Variants in SHISA9 observed in about 807,000 individuals in gnomAD.
SHISA9 encodes shisa family member 9.
Under a neutral mutation model 38.0 loss-of-function variants are expected in SHISA9, and 13 were observed. The observed-to-expected ratio is 0.34, with a 90% confidence interval of 0.22 to 0.54. The LOEUF is 0.54. SHISA9 is among the 20% of genes least tolerant of loss of function. The pLI is 0.91. For synonymous variants in SHISA9, 275 were observed against 242.0 expected, an observed-to-expected ratio of 1.14 and a Z score of -1.27; for missense variants, 538 against 575.8, an observed-to-expected ratio of 0.93 and a Z score of 0.67.
intron 2 of SHISA9, among the ~76,000 whole-genome samples, chr16:13,151,451 C>G (rs1417546243): frequency 6.6e-6 from 1 of 152,114 alleles, no homozygotes; most frequent in Non-Finnish European, 1.5e-5. Context: ...TGTGGCTGAA[C>G]AACAACCAGC....
chr16:12,981,366 G>T (rs2072237768), intron 2 of SHISA9, among the ~76,000 whole-genome samples: 1 of 152,238 alleles, frequency 6.6e-6, no homozygotes, highest in Non-Finnish European at 1.5e-5. Flanking sequence ...CAGGGCAATG[G>T]CAGGGGAGCA....
intron 2 of SHISA9, among the ~76,000 whole-genome samples, chr16:12,919,914 T>C (rs1036519935): frequency 6.6e-6 from 1 of 152,220 alleles, no homozygotes; most frequent in African/African-American, 2.4e-5. Context: ...TCAGCTTCTG[T>C]ATAATTATCG....
the SHISA9 span, among the ~76,000 whole-genome samples, chr16:13,452,582 A>C: frequency 6.6e-6 from 1 of 152,198 alleles, no homozygotes; most frequent in Non-Finnish European, 1.5e-5. Flanking sequence ...GATGGGTGTT[A>C]GTCTCTGCAT....
chr16:13,036,986 C>G (rs1345669975), intron 2 of SHISA9, among the ~76,000 whole-genome samples: 1 of 151,744 alleles, frequency 6.6e-6, no homozygotes, highest in Non-Finnish European at 1.5e-5. Context: ...TATTATTATC[C>G]TTACTTTGCA....
chr16:13,050,409 G>A (rs1270162959), intron 2 of SHISA9, among the ~76,000 whole-genome samples: 2 of 152,242 alleles, frequency 1.3e-5, no homozygotes, highest in East Asian at 3.9e-4. Context: ...TTGGCTCACT[G>A]CAACCTCTAC....
Position 13,133,419 on chromosome 16 carries a change from G to T in SHISA9, c.692-69975G>T, listed in dbSNP as rs2050322138. Among the ~76,000 whole-genome samples the T allele has an allele frequency of 3.3e-5, 5 of 152,146 alleles. No homozygotes were observed. In the South Asian group the frequency reaches 1.0e-3, roughly 32 times the overall value. The stretch of plus-strand genomic sequence containing the variant: ...GTAAGTAGTGGGCTGTTTAAACTTG[G>T]CTCATTGCCCAGTGGTGTCTTTATC... On this transcript the variant is annotated intron_variant, in intron 2 of 4. Coordinates refer to ENST00000558583, the MANE Select transcript of SHISA9 (RefSeq NM_001145204.3).
At chr16:13,180,605 G>A (rs1446585234) in intron 2 of SHISA9, among the ~76,000 whole-genome samples, 2 of 152,148 alleles carry the variant, frequency 1.3e-5, no homozygotes, top group Non-Finnish European at 2.9e-5. Flanking sequence ...GGCTGAGGTG[G>A]GAGGATTGCT....
the SHISA9 span, among the ~76,000 whole-genome samples, chr16:13,399,640 G>T: frequency 0.024 from 3,683 of 152,214 alleles, 163 homozygotes; most frequent in African/African-American, 0.084. Flanking sequence ...CATTTCATTG[G>T]GCACAGGAAG....
At chr16:13,435,083 A>G in the SHISA9 span, among the ~76,000 whole-genome samples, 3 of 152,194 alleles carry the variant, frequency 2.0e-5, no homozygotes, top group African/African-American at 4.8e-5. Context: ...TTTCCTCTCT[A>G]TTTACTGAAT....
the SHISA9 span, among the ~76,000 whole-genome samples, chr16:13,557,403 C>T: frequency 4.6e-5 from 7 of 152,286 alleles, no homozygotes; most frequent in African/African-American, 7.2e-5. Flanking sequence ...GTCCCTTTAA[C>T]GCCACTAAGG....
At chr16:13,104,863 T>A (rs147838557) in intron 2 of SHISA9, among the ~76,000 whole-genome samples, 2,247 of 152,280 alleles carry the variant, frequency 0.015, 46 homozygotes, top group African/African-American at 0.05. Flanking sequence ...TCAATAAAAC[T>A]TTTTATTTTT....
the SHISA9 span, among the ~76,000 whole-genome samples, chr16:13,554,443 T>C: frequency 0.68 from 101,458 of 150,148 alleles, 34,743 homozygotes; most frequent in East Asian, 0.87. Flanking sequence ...AAAAAAATCA[T>C]GGTAAAATCT....
the SHISA9 span, among the ~76,000 whole-genome samples, chr16:13,416,812 G>T: frequency 8.4e-6 from 1 of 119,398 alleles, no homozygotes; most frequent in East Asian, 2.2e-4. Context: ...AAGGAAGGAA[G>T]GGAAGGAATG....
At chr16:13,133,685 G>A (rs533864259) in intron 2 of SHISA9, among the ~76,000 whole-genome samples, 17 of 152,314 alleles carry the variant, frequency 1.1e-4, no homozygotes, top group African/African-American at 3.6e-4. Context: ...GGGAAGCAAC[G>A]TGTCAAACCA....
At chr16:13,499,859 C>T in the SHISA9 span, among the ~76,000 whole-genome samples, 1 of 152,102 alleles carries the variant, frequency 6.6e-6, no homozygotes, top group Non-Finnish European at 1.5e-5. Context: ...TGCATCTATC[C>T]GTCTACTTAC....
chr16:12,950,257 A>G (rs1016065383), intron 2 of SHISA9, among the ~76,000 whole-genome samples: 4 of 152,110 alleles, frequency 2.6e-5, no homozygotes, highest in African/African-American at 7.2e-5. Context: ...CATTTTCTCT[A>G]TCCATTCTTT....
intron 3 of SHISA9, among the ~76,000 whole-genome samples, chr16:13,211,459 A>C (rs928943639): frequency 1.3e-5 from 2 of 152,240 alleles, no homozygotes; most frequent in Non-Finnish European, 2.9e-5. Flanking sequence ...GTTTAAAAAA[A>C]AAGCATACAC....
chr16:12,959,252 A>G (rs1420237327), intron 2 of SHISA9, among the ~76,000 whole-genome samples: 1 of 152,240 alleles, frequency 6.6e-6, no homozygotes, highest in Admixed American at 6.5e-5. Context: ...ATGGAATGCA[A>G]GACTAGAGGC....
At position 13,212,161 on chromosome 16, in the gene SHISA9, G is replaced by A. The variant is rs190676048; in HGVS notation, c.848-1092G>A. ...ATTCAGATGACAGACTGTTCCCTGCGCCTTCACTCAGCCTGATATATCTCT... is the reference window on the plus strand; with the variant it reads ...ATTCAGATGACAGACTGTTCCCTGCACCTTCACTCAGCCTGATATATCTCT... On this transcript the variant is annotated intron_variant, in intron 3 of 4. Transcript: ENST00000558583. 1.8e-3 allele frequency among the ~76,000 whole-genome samples: 274 copies of A among 152,226 alleles called. 3 individuals carry two copies. Among genetic ancestry groups the A allele is most frequent in the Middle Eastern group, 0.014 (4 of 294 alleles).
Sources: allele counts gnomAD v4.1 joint callset (sites outside exome capture counted in the v4.1 genomes callset), GRCh38; gene constraint gnomAD v4.1.1; transcripts MANE v1.5; gene names NCBI Gene and HGNC (gene_info 2026-07-23, HGNC 2026-07-21).